UBE3C: variants seen among roughly 807,000 people sequenced by gnomAD.
The protein encoded by UBE3C is ubiquitin protein ligase E3C, also known as ubiquitin-protein ligase E3C.
In UBE3C, 42 loss-of-function variants were observed where a neutral mutation model predicts 129.4. That is an observed-to-expected ratio of 0.32 (90% CI 0.25 to 0.42). The LOEUF is 0.42. UBE3C is among the 10% of genes least tolerant of loss of function. UBE3C has a pLI of 1.00. For synonymous variants in UBE3C, 510 were observed against 492.4 expected, an observed-to-expected ratio of 1.04 and a Z score of -0.47; for missense variants, 1,049 against 1,319.1, an observed-to-expected ratio of 0.80 and a Z score of 3.17.
intron 15 of UBE3C, 111 bp downstream of exon 15, chr7:157,220,887 C>T: frequency 1.6e-6 from 2 of 1,254,204 alleles, no homozygotes; most frequent in Non-Finnish European, 2.2e-6. Context: ...CCATGTCACT[C>T]CCAGCAGGAG....
At chr7:157,144,213 T>C (rs1807538356) in intron 1 of UBE3C, among the ~76,000 whole-genome samples, 1 of 152,110 alleles carries the variant, frequency 6.6e-6, no homozygotes, top group African/African-American at 2.4e-5. Flanking sequence ...GGAGGATCGC[T>C]GGATCCCGGG....
At chr7:157,183,150 C>T (rs1469792729) in intron 8 of UBE3C, among the ~76,000 whole-genome samples, 1 of 152,162 alleles carries the variant, frequency 6.6e-6, no homozygotes, top group Non-Finnish European at 1.5e-5. Flanking sequence ...TGGACACCAA[C>T]TAGGTATTCT....
chr7:157,218,448 C>CA (rs1474374215), intron 14 of UBE3C, among the ~76,000 whole-genome samples: 13 of 148,194 alleles, frequency 8.8e-5, no homozygotes, highest in South Asian at 6.4e-4. Flanking sequence ...GATTCCGTCT[C>CA]AAAAAATAAA....
At chr7:157,171,107 A>G (rs970356606) in intron 4 of UBE3C, among the ~76,000 whole-genome samples, 2 of 126,542 alleles carry the variant, frequency 1.6e-5, no homozygotes, top group African/African-American at 4.0e-5. Flanking sequence ...GCCACTGTAC[A>G]TGATTTAGGG....
In UBE3C at chr7:157,218,855, C is replaced by CT. The variant is rs575153083; in HGVS notation, c.1915-1833dup. On this transcript the variant is annotated intron_variant, in intron 14 of 22. Coordinates refer to ENST00000348165, the MANE Select transcript of UBE3C (RefSeq NM_014671.3). ...GAAGCATTCATGAAAACAGCTAACT[C>CT]TGAGTTCGCAAGGGTGCTAACAAAA... Among the ~76,000 whole-genome samples the CT allele has an allele frequency of 2.6e-4, 40 of 152,242 alleles. No individual in the cohort carries two copies. The South Asian group carries it at 4.6e-3, about 17-fold the overall frequency.
At chr7:157,150,525 T>G (rs896640662) in intron 1 of UBE3C, among the ~76,000 whole-genome samples, 4 of 152,198 alleles carry the variant, frequency 2.6e-5, no homozygotes, top group African/African-American at 9.7e-5. Flanking sequence ...TTACTTATAA[T>G]ACTGAAAAAT....
At chr7:157,244,415 C>A (rs1796423497) in intron 18 of UBE3C, among the ~76,000 whole-genome samples, 1 of 151,930 alleles carries the variant, frequency 6.6e-6, no homozygotes, top group Admixed American at 6.6e-5. Flanking sequence ...TTTTATGTTT[C>A]TTTTTTGTTT....
rs1419589207 is a variant in UBE3C at position 157,239,066 on chromosome 7, T to A, written c.2481+7739T>A. Among the ~76,000 whole-genome samples, 3 of 152,170 alleles carry A rather than the reference T, an allele frequency of 2.0e-5. No individual in the cohort carries two copies. The East Asian group carries it at 5.8e-4, about 29-fold the overall frequency. ...AGATGGGCTGAAAAGAATGTCAGGA[T>A]TATCTTCCTAAAGCATCATATTAAA... On this transcript the variant is annotated intron_variant, in intron 18 of 22. Coordinates refer to ENST00000348165, the MANE Select transcript of UBE3C (RefSeq NM_014671.3).
rs117786188 is a variant in UBE3C at position 157,244,912 on chromosome 7, G to A, written c.2482-3456G>A. Among the ~76,000 whole-genome samples, 862 of 152,312 alleles carry A rather than the reference G, an allele frequency of 5.7e-3. 3 individuals are homozygous for A. The highest frequency in any genetic ancestry group is 9.6e-3 in the Non-Finnish European group (650 of 68,022). ...TGCTTCTAGGAACAAGCGTGGTACA[G>A]CTGGCTGAGAAGGCCAGTGTGAAAA... is the stretch of plus-strand genomic sequence containing the variant. On this transcript the variant is annotated intron_variant, in intron 18 of 22. Transcript: ENST00000348165.
chr7:157,147,702 A>G (rs1240038489), intron 1 of UBE3C, among the ~76,000 whole-genome samples: 1 of 152,162 alleles, frequency 6.6e-6, no homozygotes, highest in African/African-American at 2.4e-5. Context: ...TTCTTTATCA[A>G]ATTGGGGAAA....
intron 1 of UBE3C, among the ~76,000 whole-genome samples, chr7:157,141,759 A>G (rs758697490): frequency 2.8e-4 from 42 of 152,236 alleles, no homozygotes; most frequent in Non-Finnish European, 4.0e-4. Context: ...CTTCAGGGGC[A>G]TGGAGCCACT....
At chr7:157,146,040 G>A (rs1374329281) in intron 1 of UBE3C, among the ~76,000 whole-genome samples, 1 of 151,934 alleles carries the variant, frequency 6.6e-6, no homozygotes, top group African/African-American at 2.4e-5. Context: ...TTATAATTTT[G>A]TATTTTACAT....
At chr7:157,223,143 A>G in intron 15 of UBE3C, 111 bp from the exon 16 acceptor site, 1 of 1,140,696 alleles carries the variant, frequency 8.8e-7, no homozygotes, top group Non-Finnish European at 1.3e-6. Context: ...AACTGGATTT[A>G]GATAAATGAG....
intron 1 of UBE3C, among the ~76,000 whole-genome samples, chr7:157,146,499 G>A (rs1807609755): frequency 6.6e-6 from 1 of 152,096 alleles, no homozygotes. Flanking sequence ...GGGATTACAG[G>A]CATGAGCCCC....
In UBE3C at chr7:157,225,406, G is replaced by T. The variant is rs1281926703; in HGVS notation, c.2101-1G>T. ...ACCTTACAGCTTTCCTTGTTTGTTA[G>T]ATCTTTCAGAGGTTGATTTATGCAG... On this transcript the variant is annotated splice_acceptor_variant, in intron 16 of 22. Transcript: ENST00000348165. LOFTEE classifies it high-confidence loss of function. 1 of 1,598,142 alleles carries T rather than the reference G, an allele frequency of 6.3e-7. No homozygotes were observed. Among genetic ancestry groups the T allele is most frequent in the Non-Finnish European group, 8.5e-7 (1 of 1,176,266 alleles).
At position 157,254,268 on chromosome 7, in the gene UBE3C, C is replaced by A. The variant is rs1271304714; in HGVS notation, c.2908C>A (p.Pro970Thr). 1 of 1,613,460 alleles carries A rather than the reference C, an allele frequency of 6.2e-7. No homozygotes were observed. The change falls in exon 21 of 23, where the codon CCC becomes ACC. Residue 970 changes from proline (P) to threonine (T), a missense_variant. Pro to Thr is a conservative substitution (Grantham distance 38). Around this residue, in one of 4 missense-constraint regions of UBE3C, gnomAD observed 243 missense variants for 368.7 expected, o/e 0.66. Coordinates refer to ENST00000348165, the MANE Select transcript of UBE3C (RefSeq NM_014671.3). ...GGTATTAATTTCTGGTGCACAAGTTCCCATAAGCCTAGAGGACCTAAAATC... is the reference window on the plus strand; with the variant it reads ...GGTATTAATTTCTGGTGCACAAGTTACCATAAGCCTAGAGGACCTAAAATC... ...IQVLISGAQV[P>T]ISLEDLKSFT...
At position 157,204,379 on chromosome 7, in the gene UBE3C, CAA is replaced by C. The variant is rs953116379; in HGVS notation, c.1418+2573_1418+2574del. Among the ~76,000 whole-genome samples, 26 of 115,126 alleles carry C rather than the reference CAA, an allele frequency of 2.3e-4. 1 individual carries two copies. The highest frequency in any genetic ancestry group is 5.0e-4 in the Admixed American group (5 of 9,908). The allele number at this position is 115,126 out of a possible 152,430, so 75.5% of individuals were successfully genotyped here. A position where few individuals can be genotyped will look rare whatever the true frequency, so the allele number is the denominator to read the frequency against. The stretch of plus-strand genomic sequence containing the variant: ...CGCCATTGCACTCCAGCCTGGGTAA[CAA>C]GAGGGAAACTTTGTTTCAAAAAAAA... On this transcript the variant is annotated intron_variant, in intron 11 of 22. Transcript: ENST00000348165.
intron 1 of UBE3C, among the ~76,000 whole-genome samples, chr7:157,145,119 A>T (rs1052330852): frequency 6.6e-6 from 1 of 151,956 alleles, no homozygotes; most frequent in Non-Finnish European, 1.5e-5. Flanking sequence ...AAAATACAAA[A>T]AATTAGCTGG....
rs1306963830 is a variant in UBE3C, at chr7:157,220,713, T to C, written c.1939T>C (p.Ser647Pro). Residue 647 changes from serine (S) to proline (P), a missense_variant, in exon 15 of 23, where the codon TCC (serine) becomes CCC (proline). By Grantham distance (74) the Ser-to-Pro change is moderately conservative. Coordinates refer to ENST00000348165, the MANE Select transcript of UBE3C (RefSeq NM_014671.3). The part of the protein sequence containing the change: ...DKVTQLYVPA[S>P]RHVWRFRRMG... ...GGTCACTCAGCTCTATGTGCCAGCA[T>C]CCAGACATGTGTGGAGGTTCCGGCG... The C allele has an allele frequency of 1.2e-6, 2 of 1,614,144 alleles. No homozygotes were observed. Among genetic ancestry groups the C allele is most frequent in the Non-Finnish European group, 1.7e-6 (2 of 1,180,002 alleles).
Sources: gnomAD v4.1 joint callset for allele counts (sites outside exome capture counted in the v4.1 genomes callset) on GRCh38, gnomAD v4.1.1 for gene constraint, gnomAD v4.1.1 regional missense constraint, MANE v1.5 for transcripts, NCBI Gene and HGNC (gene_info 2026-07-23, HGNC 2026-07-21) for gene names.